NRG2: variants seen among roughly 807,000 people sequenced by gnomAD.
The protein encoded by NRG2 is pro-neuregulin-2, membrane-bound isoform.
Under a neutral mutation model 73.9 loss-of-function variants are expected in NRG2, and 27 were observed. The observed-to-expected ratio is 0.37, with a 90% confidence interval of 0.27 to 0.50. The LOEUF is 0.50. Ranked by LOEUF, NRG2 falls within the 20% of genes least tolerant of loss-of-function variation. The pLI, the probability that NRG2 is intolerant of heterozygous loss-of-function variation, is 0.96. For synonymous variants in NRG2, 532 were observed against 541.0 expected, an observed-to-expected ratio of 0.98 and a Z score of 0.23; for missense variants, 1,126 against 1,210.1, an observed-to-expected ratio of 0.93 and a Z score of 1.03.
At chr5:139,940,592 G>C (rs1753316915) in intron 1 of NRG2, among the ~76,000 whole-genome samples, 1 of 152,148 alleles carries the variant, frequency 6.6e-6, no homozygotes, top group Admixed American at 6.5e-5. Context: ...ATATGGAATA[G>C]ACTCCAAAGT....
At chr5:140,036,527 CTT>C (rs1761519729) in intron 1 of NRG2, among the ~76,000 whole-genome samples, 1 of 152,206 alleles carries the variant, frequency 6.6e-6, no homozygotes, top group African/African-American at 2.4e-5. Context: ...ATTGTTCAAA[CTT>C]GTCATAATTT....
At chr5:139,973,285 T>C (rs562875199) in intron 1 of NRG2, among the ~76,000 whole-genome samples, 1 of 151,810 alleles carries the variant, frequency 6.6e-6, no homozygotes, top group East Asian at 1.9e-4. Flanking sequence ...TATAATGAAA[T>C]ACCATGTGAC....
chr5:139,939,239 CCTTCCTTTCTTT>C (rs1486322883), intron 1 of NRG2, among the ~76,000 whole-genome samples: 6 of 132,966 alleles, frequency 4.5e-5, no homozygotes, highest in East Asian at 2.9e-4. Flanking sequence ...TTCCTTCCTT[CCTTCCTTTCTTT>C]CTTTCTTTCT....
intron 1 of NRG2, among the ~76,000 whole-genome samples, chr5:139,990,844 T>C (rs930729921): frequency 2.0e-5 from 3 of 152,226 alleles, no homozygotes; most frequent in African/African-American, 7.2e-5. Flanking sequence ...CTGGGTTGTT[T>C]GTGCTTTTCT....
chr5:139,968,176 C>G (rs1414741880), intron 1 of NRG2, among the ~76,000 whole-genome samples: 9 of 152,020 alleles, frequency 5.9e-5, no homozygotes, highest in Admixed American at 1.3e-4. Context: ...AGTCCCGTCC[C>G]AATGAAATAC....
In NRG2 at chr5:140,042,577, C is replaced by T. The variant is rs1762017463; in HGVS notation, c.493G>A (p.Asp165Asn). Residue 165 changes from aspartate (D) to asparagine (N), a missense_variant, in exon 1 of 10, where the codon GAC becomes AAC. By Grantham distance (23) the Asp-to-Asn change is conservative. Around this residue, in one of 3 missense-constraint regions of NRG2, gnomAD observed 539 missense variants for 703.2 expected, o/e 0.77. Transcript: ENST00000361474. ...CCCCCGCTCCGGAGCGGCCACTTGT[C>T]CAGCACCTTTACCAACGCCACCCGA... ...SGRVALVKVL[D>N]KWPLRSGGLQ... 1 of 1,612,514 alleles carries T rather than the reference C, an allele frequency of 6.2e-7. No individual in the cohort carries two copies. Among genetic ancestry groups the T allele is most frequent in the African/African-American group, 1.3e-5 (1 of 74,858 alleles).
At position 140,009,000 on chromosome 5, in the gene NRG2, G is replaced by A. The variant is rs1759145390; in HGVS notation, c.700+33370C>T. Among the ~76,000 whole-genome samples, 1 of 152,178 alleles carries A rather than the reference G, an allele frequency of 6.6e-6. No homozygotes were observed. Among genetic ancestry groups the A allele is most frequent in the Non-Finnish European group, 1.5e-5 (1 of 68,028 alleles). ...ACAGCAAAACAATGACATAGCACTAGTGCATATTCAGTAACCATTATTTCT... is the reference window on the plus strand; with the variant it reads ...ACAGCAAAACAATGACATAGCACTAATGCATATTCAGTAACCATTATTTCT... On this transcript the variant is annotated intron_variant, in intron 1 of 9. Transcript: ENST00000361474. The surrounding 1 kb of genome is among the most constrained non-coding windows in gnomAD (Gnocchi z 4.2).
Position 139,887,428 on chromosome 5 carries a change from C to T in NRG2, c.784G>A (p.Gly262Ser), listed in dbSNP as rs578206587. 13 of 1,614,260 alleles carry T rather than the reference C, an allele frequency of 8.1e-6. No homozygotes were observed. Among genetic ancestry groups the T allele is most frequent in the African/African-American group, 4.0e-5 (3 of 75,076 alleles). ...KQSLKCEAAAGNPQPSYRWFK... is the reference protein window; with the variant it reads ...KQSLKCEAAASNPQPSYRWFK... The stretch of plus-strand genomic sequence containing the variant: ...CAACGGTAGGAAGGCTGGGGATTAC[C>T]GGCTGCTGCCTCACACTTCAGCGAT... Residue 262 changes from glycine to serine, a missense_variant, in exon 2 of 10, where the codon GGT becomes AGT. Gly to Ser is a moderately conservative substitution (Grantham distance 56). Around this residue, in one of 3 missense-constraint regions of NRG2, gnomAD observed 539 missense variants for 703.2 expected, o/e 0.77. Coordinates refer to ENST00000361474, the MANE Select transcript of NRG2 (RefSeq NM_004883.3). The surrounding 1 kb of genome is among the most constrained non-coding windows in gnomAD (Gnocchi z 4.5).
intron 1 of NRG2, among the ~76,000 whole-genome samples, chr5:140,034,421 G>C (rs148740461): frequency 4.6e-5 from 7 of 151,976 alleles, no homozygotes; most frequent in Non-Finnish European, 8.8e-5. Context: ...TTTTCTGCAT[G>C]AATAGAAAAA....
At chr5:139,932,718 C>T (rs1752566621) in intron 1 of NRG2, among the ~76,000 whole-genome samples, 1 of 151,438 alleles carries the variant, frequency 6.6e-6, no homozygotes, top group African/African-American at 2.4e-5. Context: ...CCCATAATAG[C>T]ATGTTGTAAA....
rs908703669 is a variant in NRG2, at chr5:139,894,390, G to A, written c.701-6879C>T. Among the ~76,000 whole-genome samples, 1 of 149,992 alleles carries A rather than the reference G, an allele frequency of 6.7e-6. No individual in the cohort carries two copies. The highest frequency in any genetic ancestry group is 2.5e-5 in the African/African-American group (1 of 40,770). On this transcript the variant is annotated intron_variant, in intron 1 of 9. Transcript: ENST00000361474. The surrounding 1 kb of genome is among the most constrained non-coding windows in gnomAD (Gnocchi z 5.0). The stretch of plus-strand genomic sequence containing the variant: ...GCAGGCCAGCCCCCTTCCCACCCCT[G>A]TCCCACCCACAAAGTGACTGCAACC...
chr5:139,852,640 G>T lies in NRG2; in HGVS notation c.1417-81C>A. ...CTTGTTGGGGACAGGGAAGTGATGA[G>T]CACTGACTGAGCTCCTGGTTGGGGA... On this transcript the variant is annotated intron_variant, in intron 7 of 9. Transcript: ENST00000361474. This position sits in a 1 kb window ranked among gnomAD's most constrained non-coding sequence, Gnocchi z 4.4. The T allele has an allele frequency of 6.4e-7, 1 of 1,559,576 alleles. No individual in the cohort carries two copies. The highest frequency in any genetic ancestry group is 1.2e-5 in the South Asian group (1 of 81,062).
intron 1 of NRG2, among the ~76,000 whole-genome samples, chr5:139,973,861 G>T (rs779788362): frequency 6.6e-6 from 1 of 152,110 alleles, no homozygotes; most frequent in Non-Finnish European, 1.5e-5. Flanking sequence ...CATGGGGCAG[G>T]TTATGAAAGA....
chr5:139,871,758 A>T lies in NRG2; in HGVS notation c.1075T>A (p.Cys359Ser), dbSNP rs1762867034. 1.9e-6 allele frequency: 3 copies of T among 1,614,010 alleles called. No homozygotes were observed. ...TGGTTGATGCCCTCGATGTAGTAGC[A>T]GACGCCTCCATTGACGCAATAGGAC... ...AKSYCVNGGVCYYIEGINQLS... is the reference protein window; with the variant it reads ...AKSYCVNGGVSYYIEGINQLS... The change falls in exon 4 of 10, where the codon TGC (cysteine) becomes AGC (serine). Residue 359 changes from cysteine (C) to serine (S), a missense_variant. Cys to Ser is a moderately radical substitution (Grantham distance 112). Around this residue, in one of 3 missense-constraint regions of NRG2, gnomAD observed 539 missense variants for 703.2 expected, o/e 0.77. Coordinates refer to ENST00000361474, the MANE Select transcript of NRG2 (RefSeq NM_004883.3).
At chr5:139,863,029 C>T (rs1470358877) in intron 5 of NRG2, among the ~76,000 whole-genome samples, 7 of 152,324 alleles carry the variant, frequency 4.6e-5, no homozygotes, top group Non-Finnish European at 7.3e-5. Context: ...GCCCTGCCCC[C>T]GCATACCAGT....
In NRG2 at chr5:139,921,985, C is replaced by T. The variant is rs561578564; in HGVS notation, c.701-34474G>A. ...ACTCAGGAGACAGAGATGGGAGGAA[C>T]ATTTGAGCCCAGAAGGTTGAGGCTG... On this transcript the variant is annotated intron_variant, in intron 1 of 9. Transcript: ENST00000361474. 5.4e-5 allele frequency among the ~76,000 whole-genome samples: 8 copies of T among 147,104 alleles called. No homozygotes were observed. In the South Asian group the frequency reaches 8.8e-4, roughly 16 times the overall value.
At chr5:140,027,218 A>C (rs935883718) in intron 1 of NRG2, among the ~76,000 whole-genome samples, 2 of 152,196 alleles carry the variant, frequency 1.3e-5, no homozygotes, top group Admixed American at 6.5e-5. Context: ...TCCTGGGTTC[A>C]AGCAATCCAC....
At chr5:140,010,894 T>G (rs1332752086) in intron 1 of NRG2, among the ~76,000 whole-genome samples, 1 of 152,226 alleles carries the variant, frequency 6.6e-6, no homozygotes, top group Non-Finnish European at 1.5e-5. Context: ...TGTTTAAACA[T>G]TCTTTGAATC....
chr5:139,898,723 G>C (rs9686674), intron 1 of NRG2, among the ~76,000 whole-genome samples: 2,304 of 152,328 alleles, frequency 0.015, 48 homozygotes, highest in African/African-American at 0.053. Context: ...CTAAAGTGCA[G>C]CTTGGACTAG....
Sources: allele counts gnomAD v4.1 joint callset (sites outside exome capture counted in the v4.1 genomes callset), GRCh38; gene constraint gnomAD v4.1.1; regional missense constraint gnomAD v4.1.1; non-coding constraint Gnocchi (gnomAD v3.1); transcripts MANE v1.5; gene names NCBI Gene and HGNC (gene_info 2026-07-23, HGNC 2026-07-21).